Variants in FHIT observed in about 807,000 individuals in gnomAD.
FHIT encodes bis(5'-adenosyl)-triphosphatase.
Under a neutral mutation model 17.9 loss-of-function variants are expected in FHIT, and 19 were observed. That is an observed-to-expected ratio of 1.06 (90% CI 0.74 to 1.56). FHIT has a LOEUF of 1.56. Among genes scored for constraint, FHIT ranks in the 40% most tolerant of loss-of-function variants. FHIT has a pLI of 0.00. For synonymous variants in FHIT, 81 were observed against 69.7 expected, an observed-to-expected ratio of 1.16 and a Z score of -0.81; for missense variants, 248 against 189.2, an observed-to-expected ratio of 1.31 and a Z score of -1.82.
intron 7 of FHIT, among the ~76,000 whole-genome samples, chr3:59,983,613 G>A (rs1391286775): frequency 6.6e-6 from 1 of 152,074 alleles, no homozygotes; most frequent in Non-Finnish European, 1.5e-5. Context: ...GGCATCCGCT[G>A]GGGTCTTAGA....
At chr3:59,920,699 G>A (rs17061475) in intron 8 of FHIT, among the ~76,000 whole-genome samples, 2,722 of 152,190 alleles carry the variant, frequency 0.018, 95 homozygotes, top group African/African-American at 0.063. Context: ...TAAAACAGTC[G>A]TATTTGGCAA....
rs568364762 is a variant in FHIT, at chr3:59,982,013, T to C, written c.279+29358A>G. ...ATTAAAAATCAGTTGACTTCACTTC[T>C]TTCTGAACAGGTATTCTTTGACCAC... On this transcript the variant is annotated intron_variant, in intron 7 of 9. Coordinates refer to ENST00000492590, the MANE Select transcript of FHIT (RefSeq NM_002012.4). Among the ~76,000 whole-genome samples, 15 of 152,268 alleles carry C rather than the reference T, an allele frequency of 9.9e-5. No individual in the cohort carries two copies. In the South Asian group the frequency reaches 2.3e-3, roughly 23 times the overall value.
chr3:60,302,031 A>G (rs1420632036), intron 5 of FHIT, among the ~76,000 whole-genome samples: 1 of 152,186 alleles, frequency 6.6e-6, no homozygotes, highest in African/African-American at 2.4e-5. Flanking sequence ...GTTATGATTC[A>G]ATGTCAGACT....
rs57891077 is a variant in FHIT at position 60,576,949 on chromosome 3, T to TACACACACACACACACAC, written c.-17-39988_-17-39971dup. Among the ~76,000 whole-genome samples, 120 of 146,844 alleles carry TACACACACACACACACAC rather than the reference T, an allele frequency of 8.2e-4. 1 individual carries two copies. In the South Asian group the frequency reaches 0.011, roughly 14 times the overall value. On this transcript the variant is annotated intron_variant, in intron 4 of 9. Transcript: ENST00000492590. ...AATTACATATTTGCATCCATTTGCA[T>TACACACACACACACACAC]ACACACACACACACACACACACACA...
At chr3:60,007,565 C>T (rs1413732328) in intron 7 of FHIT, among the ~76,000 whole-genome samples, 2 of 152,156 alleles carry the variant, frequency 1.3e-5, no homozygotes, top group African/African-American at 4.8e-5. Flanking sequence ...TTTCCTTACC[C>T]ATTGCCCGGT....
chr3:60,830,307 T>C (rs1161571036), intron 3 of FHIT, among the ~76,000 whole-genome samples: 1 of 152,172 alleles, frequency 6.6e-6, no homozygotes. Context: ...TACTTTTCTG[T>C]AGTCTCCAGG....
At chr3:60,364,610 C>A (rs891189918) in intron 5 of FHIT, among the ~76,000 whole-genome samples, 1 of 152,164 alleles carries the variant, frequency 6.6e-6, no homozygotes, top group Non-Finnish European at 1.5e-5. Context: ...ACACAGAAGG[C>A]TATATGTGTA....
intron 5 of FHIT, among the ~76,000 whole-genome samples, chr3:60,110,594 G>A (rs9833268): frequency 6.6e-6 from 1 of 152,100 alleles, no homozygotes; most frequent in Non-Finnish European, 1.5e-5. Context: ...TCTTGGATAA[G>A]TTACATCACC....
intron 2 of FHIT, among the ~76,000 whole-genome samples, chr3:61,196,181 A>T (rs768104119): frequency 1.2e-4 from 19 of 152,154 alleles, no homozygotes; most frequent in Non-Finnish European, 2.5e-4. Context: ...GAACACCAGA[A>T]ATATCAGAAT....
Position 61,028,820 on chromosome 3 carries a change from A to C in FHIT, c.-111+13227T>G, listed in dbSNP as rs112762272. On this transcript the variant is annotated intron_variant, in intron 3 of 9. Transcript: ENST00000492590. ...AGAGTTGAAATGGCTGACTTTGGGG[A>C]CTAGGAGGGTGCAGGAACTAGACAG... Among the ~76,000 whole-genome samples the C allele has an allele frequency of 2.1e-3, 319 of 152,008 alleles. 2 individuals carry two copies. The highest frequency in any genetic ancestry group is 6.2e-3 in the African/African-American group (257 of 41,422).
intron 5 of FHIT, among the ~76,000 whole-genome samples, chr3:60,365,304 T>C (rs1045070014): frequency 6.6e-6 from 1 of 152,018 alleles, no homozygotes; most frequent in Non-Finnish European, 1.5e-5. Context: ...ATACTTTGAA[T>C]GTAAGGTTAC....
At chr3:60,604,874 TC>T (rs782724597) in intron 4 of FHIT, among the ~76,000 whole-genome samples, 3 of 152,144 alleles carry the variant, frequency 2.0e-5, no homozygotes, top group Non-Finnish European at 4.4e-5. Flanking sequence ...GTTATCATCA[TC>T]CCCATTTCAC....
In FHIT at chr3:60,576,173, G is replaced by GA. The variant is rs1213964279; in HGVS notation, c.-17-39195dup. On this transcript the variant is annotated intron_variant, in intron 4 of 9. Transcript: ENST00000492590. ...CCCAACACAAGGCTGTATAAAAAAG[G>GA]AAAAAATCAGTTTAAGAGGCAAGAG... Among the ~76,000 whole-genome samples the GA allele has an allele frequency of 3.3e-5, 5 of 152,142 alleles. 1 individual carries two copies. The highest frequency in any genetic ancestry group is 1.3e-4 in the Admixed American group (2 of 15,276).
At chr3:60,707,359 T>C (rs189288245) in intron 4 of FHIT, among the ~76,000 whole-genome samples, 4 of 152,364 alleles carry the variant, frequency 2.6e-5, no homozygotes, top group Admixed American at 2.0e-4. Context: ...TCTCTGCCTC[T>C]AAGTCTATTA....
intron 5 of FHIT, among the ~76,000 whole-genome samples, chr3:60,015,943 T>A (rs1272123269): frequency 6.6e-6 from 1 of 152,252 alleles, no homozygotes; most frequent in Non-Finnish European, 1.5e-5. Flanking sequence ...AGCAAATTAA[T>A]TAGAAGAACA....
intron 5 of FHIT, among the ~76,000 whole-genome samples, chr3:60,416,612 C>A (rs940358671): frequency 1.3e-5 from 2 of 152,040 alleles, no homozygotes; most frequent in African/African-American, 2.4e-5. Context: ...ATATTCATAT[C>A]GTGATTTTTT....
At chr3:59,815,370 C>CA (rs766476117) in intron 8 of FHIT, among the ~76,000 whole-genome samples, 23 of 152,224 alleles carry the variant, frequency 1.5e-4, no homozygotes, top group Non-Finnish European at 3.4e-4. Context: ...CCAGCAATCC[C>CA]ACTGCTGGGT....
At chr3:60,851,914 CA>C (rs1703170054) in intron 3 of FHIT, among the ~76,000 whole-genome samples, 2 of 152,032 alleles carry the variant, frequency 1.3e-5, no homozygotes, top group Admixed American at 6.6e-5. Flanking sequence ...AGAAAAAAAG[CA>C]AAGTCCACAT....
At chr3:60,489,626 T>A (rs193290866) in intron 5 of FHIT, among the ~76,000 whole-genome samples, 3 of 152,184 alleles carry the variant, frequency 2.0e-5, no homozygotes, top group African/African-American at 7.2e-5. Flanking sequence ...AATAAGAACA[T>A]CTGCCTGCTT....
Sources: allele counts gnomAD v4.1 joint callset (sites outside exome capture counted in the v4.1 genomes callset), GRCh38; gene constraint gnomAD v4.1.1; transcripts MANE v1.5; gene names NCBI Gene and HGNC (gene_info 2026-07-23, HGNC 2026-07-21).